SNTG2: variants seen among roughly 807,000 people sequenced by gnomAD.
The protein encoded by SNTG2 is gamma-2-syntrophin.
Under a neutral mutation model 70.9 loss-of-function variants are expected in SNTG2, and 74 were observed. The observed-to-expected ratio is 1.04, with a 90% CI of 0.86 to 1.27. The LOEUF (loss-of-function observed/expected upper bound fraction) is 1.27. SNTG2 is among the 50% of genes most tolerant of loss of function. SNTG2 has a pLI of 0.00. For missense variants in SNTG2, 717 were observed against 690.7 expected (o/e 1.04, Z -0.43); for synonymous variants, 278 against 273.8 (o/e 1.02, Z -0.15).
intron 9 of SNTG2, among the ~76,000 whole-genome samples, chr2:1,236,912 T>C (rs1676696716): frequency 6.6e-6 from 1 of 152,190 alleles, no homozygotes; most frequent in East Asian, 1.9e-4. Flanking sequence ...GGAGGTATTA[T>C]GAGTCATATA....
At chr2:1,265,731 C>G (rs2148180224) in intron 13 of SNTG2, among the ~76,000 whole-genome samples, 1 of 152,376 alleles carries the variant, frequency 6.6e-6, no homozygotes, top group Non-Finnish European at 1.5e-5. Flanking sequence ...TGAGTGGGGA[C>G]TGTCCAGCTT....
intron 11 of SNTG2, among the ~76,000 whole-genome samples, chr2:1,244,465 G>T (rs2148124260): frequency 6.6e-6 from 1 of 152,246 alleles, no homozygotes; most frequent in East Asian, 1.9e-4. Context: ...GGGAGGCCGA[G>T]GCTGGCGGAT....
At chr2:1,354,707 G>A (rs1288171466) in intron 16 of SNTG2, among the ~76,000 whole-genome samples, 1 of 56,740 alleles carries the variant, frequency 1.8e-5, no homozygotes, top group African/African-American at 5.8e-5. Context: ...TGGCTGTTCC[G>A]AGGCAGAGCG....
chr2:1,206,601 A>G (rs914900941), intron 8 of SNTG2, among the ~76,000 whole-genome samples: 3 of 152,184 alleles, frequency 2.0e-5, no homozygotes, highest in Non-Finnish European at 2.9e-5. Flanking sequence ...ATACTTTTCC[A>G]GAGGAAAGTA....
At chr2:1,181,679 G>C (rs541017102) in intron 8 of SNTG2, among the ~76,000 whole-genome samples, 1 of 150,716 alleles carries the variant, frequency 6.6e-6, no homozygotes, top group African/African-American at 2.4e-5. Context: ...CAGTTTTTCC[G>C]TGTTATTATT....
At chr2:1,085,427 T>C (rs1174041002) in intron 2 of SNTG2, among the ~76,000 whole-genome samples, 2 of 152,236 alleles carry the variant, frequency 1.3e-5, no homozygotes, top group African/African-American at 4.8e-5. Context: ...AGGTATAGAC[T>C]TATGCGTACA....
chr2:1,017,332 C>A (rs1279659236), intron 1 of SNTG2, among the ~76,000 whole-genome samples: 1 of 152,186 alleles, frequency 6.6e-6, no homozygotes, highest in Non-Finnish European at 1.5e-5. Context: ...AAGGGGAATT[C>A]TCAAGTATAT....
chr2:1,156,468 G>A (rs147798646), intron 6 of SNTG2, among the ~76,000 whole-genome samples: 7 of 152,298 alleles, frequency 4.6e-5, no homozygotes, highest in African/African-American at 1.4e-4. Context: ...CCCATCTTGG[G>A]ATAGGGAGGG....
intron 1 of SNTG2, among the ~76,000 whole-genome samples, chr2:1,031,262 G>A (rs1055795615): frequency 2.0e-5 from 3 of 151,872 alleles, no homozygotes; most frequent in African/African-American, 4.8e-5. Flanking sequence ...TGAGTTACAC[G>A]GTTGGAGACA....
At chr2:1,174,863 C>T (rs547701263) in intron 8 of SNTG2, among the ~76,000 whole-genome samples, 1 of 152,164 alleles carries the variant, frequency 6.6e-6, no homozygotes, top group East Asian at 1.9e-4. Context: ...GGCACATTTA[C>T]TGTTAAGGTG....
At chr2:1,081,027 GGA>G (rs1449214836) in intron 1 of SNTG2, among the ~76,000 whole-genome samples, 2 of 152,250 alleles carry the variant, frequency 1.3e-5, no homozygotes, top group East Asian at 3.9e-4. Context: ...GGAGAAGCAA[GGA>G]GAGAGACTGG....
At chr2:1,286,995 G>A (rs1004148438) in intron 14 of SNTG2, among the ~76,000 whole-genome samples, 3 of 152,172 alleles carry the variant, frequency 2.0e-5, no homozygotes, top group African/African-American at 7.2e-5. Flanking sequence ...GAATGAGGGG[G>A]CTGGTGAGAC....
intron 14 of SNTG2, among the ~76,000 whole-genome samples, chr2:1,279,869 A>C (rs936938380): frequency 6.6e-6 from 1 of 152,244 alleles, no homozygotes; most frequent in African/African-American, 2.4e-5. Flanking sequence ...ACTGATGCAC[A>C]TGCTGCCTTT....
chr2:1,064,294 C>T (rs866251506), intron 1 of SNTG2, among the ~76,000 whole-genome samples: 2 of 151,906 alleles, frequency 1.3e-5, no homozygotes. Context: ...AAAAGATGTA[C>T]TTCAGACTGA....
chr2:1,260,041 C>T (rs1014561812), intron 13 of SNTG2, among the ~76,000 whole-genome samples: 35 of 152,326 alleles, frequency 2.3e-4, no homozygotes, highest in African/African-American at 7.2e-4. Context: ...TGACTCAGTG[C>T]ATCATGTAAA....
At chr2:1,105,252 T>C (rs1666038868) in intron 4 of SNTG2, among the ~76,000 whole-genome samples, 1 of 151,882 alleles carries the variant, frequency 6.6e-6, no homozygotes, top group Admixed American at 6.6e-5. Context: ...ACTTGCATTT[T>C]GTCATTGCCA....
chr2:1,215,569 T>G (rs1269551369), intron 9 of SNTG2, among the ~76,000 whole-genome samples: 2 of 151,828 alleles, frequency 1.3e-5, no homozygotes, highest in Non-Finnish European at 2.9e-5. Flanking sequence ...CTTTTTTTTA[T>G]TATACTTTAA....
intron 8 of SNTG2, among the ~76,000 whole-genome samples, chr2:1,207,554 A>G (rs549286563): frequency 6.6e-6 from 1 of 152,212 alleles, no homozygotes; most frequent in Non-Finnish European, 1.5e-5. Context: ...ATCCTAGGGC[A>G]GGGATGCAAA....
intron 12 of SNTG2, among the ~76,000 whole-genome samples, chr2:1,248,998 C>T (rs1265758304): frequency 6.6e-6 from 1 of 152,158 alleles, no homozygotes; most frequent in Non-Finnish European, 1.5e-5. Flanking sequence ...TGGGATGCTC[C>T]GAGTGCTGGT....
Sources: gnomAD v4.1 joint callset for allele counts (sites outside exome capture counted in the v4.1 genomes callset) on GRCh38, gnomAD v4.1.1 for gene constraint, MANE v1.5 for transcripts, NCBI Gene and HGNC (gene_info 2026-07-23, HGNC 2026-07-21) for gene names.